Variants in CDK6 observed in about 807,000 individuals in gnomAD.
The protein encoded by CDK6 is cyclin dependent kinase 6.
A neutral mutation model predicts 37.1 loss-of-function variants in CDK6; 6 were observed. That is an observed-to-expected ratio of 0.16 (90% CI 0.09 to 0.32). CDK6 has a LOEUF of 0.32. Ranked by LOEUF, CDK6 falls within the 10% of genes least tolerant of loss-of-function variation. The pLI, the probability that CDK6 is intolerant of heterozygous loss-of-function variation, is 1.00. For missense variants in CDK6, 224 were observed against 418.9 expected (o/e 0.53, Z 4.06); for synonymous variants, 160 against 161.3 (o/e 0.99, Z 0.06).
intron 5 of CDK6, among the ~76,000 whole-genome samples, chr7:92,643,419 T>G (rs1471512172): frequency 2.0e-5 from 3 of 152,228 alleles, no homozygotes; most frequent in African/African-American, 2.4e-5. Flanking sequence ...CTATGCTGAG[T>G]GTAGGGAACA....
At chr7:92,767,023 GC>G (rs1799598494) in intron 3 of CDK6, among the ~76,000 whole-genome samples, 1 of 151,834 alleles carries the variant, frequency 6.6e-6, no homozygotes, top group Non-Finnish European at 1.5e-5. Flanking sequence ...GCATAGCTCT[GC>G]CCCAGCTTCC....
In CDK6 at chr7:92,646,403, C is replaced by CT. The variant is rs112119366; in HGVS notation, c.648-23318dup. 7.5e-3 allele frequency among the ~76,000 whole-genome samples: 1,082 copies of CT among 144,228 alleles called. 11 individuals carry two copies. The highest frequency in any genetic ancestry group is 0.019 in the African/African-American group (742 of 39,442). 94.6% of individuals were successfully genotyped at this position (144,228 alleles called of 152,430 possible). ...GGTTTTCTTTTTTCTTTTTCTTTTT[C>CT]TTTTTTTTTTTTGAGATGGAGTCTT... is the stretch of plus-strand genomic sequence containing the variant. On this transcript the variant is annotated intron_variant, in intron 5 of 7. Transcript: ENST00000424848.
intron 5 of CDK6, 93 bp downstream of exon 5, chr7:92,671,333 C>CT (rs1268030334): frequency 9.0e-6 from 7 of 778,976 alleles, no homozygotes; most frequent in Non-Finnish European, 1.4e-5. Flanking sequence ...ATCATGACCC[C>CT]TAATGATAGA....
chr7:92,799,622 C>A (rs1404729239), intron 2 of CDK6, among the ~76,000 whole-genome samples: 1 of 152,062 alleles, frequency 6.6e-6, no homozygotes, highest in Non-Finnish European at 1.5e-5. Flanking sequence ...CAATTTTGAA[C>A]CGCCTGTGCT....
chr7:92,726,952 A>G lies in CDK6; in HGVS notation c.370-1159T>C, dbSNP rs149721445. 3.9e-5 allele frequency among the ~76,000 whole-genome samples: 6 copies of G among 152,218 alleles called. No homozygotes were observed. In the South Asian group the frequency reaches 1.0e-3, roughly 26 times the overall value. The stretch of plus-strand genomic sequence containing the variant: ...TAGCACCATAGTTAATATTCAGTAA[A>G]TGGCAGCGCTTATTACTGTTATTAT... On this transcript the variant is annotated intron_variant, in intron 3 of 7. Transcript: ENST00000424848.
At position 92,613,936 on chromosome 7, in the gene CDK6, A is replaced by C. The variant is rs1022659025; in HGVS notation, c.*1204T>G. 5 of 233,174 alleles carry C rather than the reference A, an allele frequency of 2.1e-5. No homozygotes were observed. Among genetic ancestry groups the C allele is most frequent in the Non-Finnish European group, 4.2e-5 (5 of 118,054 alleles). The allele number at this position is 233,174 out of a possible 1,614,324, so 14.4% of individuals were successfully genotyped here. ...TATGAAAGGTTCATTGAAAGCAAGC[A>C]AACAGGTGGTGCATGGGAACAGCTT... On this transcript the variant is annotated 3_prime_UTR_variant, in exon 8 of 8. Transcript: ENST00000424848.
At chr7:92,705,472 CA>C (rs1479251008) in intron 4 of CDK6, among the ~76,000 whole-genome samples, 4 of 152,016 alleles carry the variant, frequency 2.6e-5, no homozygotes, top group Non-Finnish European at 5.9e-5. Context: ...GAGCTTTGAG[CA>C]GCATTAAAAA....
At chr7:92,661,859 G>A (rs767399999) in intron 5 of CDK6, among the ~76,000 whole-genome samples, 3 of 152,196 alleles carry the variant, frequency 2.0e-5, no homozygotes, top group African/African-American at 4.8e-5. Flanking sequence ...TGTACAGAGC[G>A]TGGCTCACAG....
At chr7:92,636,072 T>C (rs189838534) in intron 5 of CDK6, among the ~76,000 whole-genome samples, 1 of 152,296 alleles carries the variant, frequency 6.6e-6, no homozygotes, top group Admixed American at 6.5e-5. Flanking sequence ...ATTATTATTT[T>C]TTGAGACAAG....
At position 92,607,346 on chromosome 7, in the gene CDK6, T is replaced by C. The variant is rs888346240; in HGVS notation, c.*7794A>G. 2.1e-5 allele frequency: 5 copies of C among 233,370 alleles called. No homozygotes were observed. The highest frequency in any genetic ancestry group is 3.4e-5 in the Non-Finnish European group (4 of 118,042). The allele number at this position is 233,370 out of a possible 1,614,324, so 14.5% of individuals were successfully genotyped here. On this transcript the variant is annotated 3_prime_UTR_variant, in exon 8 of 8. Coordinates refer to ENST00000424848, the MANE Select transcript of CDK6 (RefSeq NM_001145306.2). The stretch of plus-strand genomic sequence containing the variant: ...GGCACAGTTTCTAAATTAAGGCATA[T>C]CTAAAATGCTTTTCTACCTTTAGTT...
chr7:92,791,176 G>A (rs919973339), intron 2 of CDK6, among the ~76,000 whole-genome samples: 26 of 152,044 alleles, frequency 1.7e-4, no homozygotes, highest in Non-Finnish European at 3.5e-4. Context: ...TAAATGTGGC[G>A]GGGGTGGAGG....
chr7:92,833,315 C>T lies in CDK6; in HGVS notation c.9G>A (p.Lys3=). The change falls in exon 2 of 8, where the codon AAG becomes AAA. Residue 3 remains lysine, a synonymous_variant. Coordinates refer to ENST00000424848, the MANE Select transcript of CDK6 (RefSeq NM_001145306.2). This position sits in a 1 kb window ranked among gnomAD's most constrained non-coding sequence, Gnocchi z 6.1. ME[K]DGLCRADQQY... ...GCTGGTCAGCGCGGCACAGGCCGTC[C>T]TTCTCCATGCCGCCTGGACGCCGCC... 1 of 1,588,336 alleles carries T rather than the reference C, an allele frequency of 6.3e-7. No individual in the cohort carries two copies. Among genetic ancestry groups the T allele is most frequent in the Non-Finnish European group, 8.5e-7 (1 of 1,170,284 alleles).
At chr7:92,630,812 T>C (rs992906785) in intron 5 of CDK6, among the ~76,000 whole-genome samples, 1 of 152,210 alleles carries the variant, frequency 6.6e-6, no homozygotes, top group Non-Finnish European at 1.5e-5. Flanking sequence ...AAAACTTTAA[T>C]GACAACATGC....
intron 2 of CDK6, among the ~76,000 whole-genome samples, chr7:92,812,145 A>G (rs910686622): frequency 1.3e-5 from 2 of 152,152 alleles, no homozygotes; most frequent in African/African-American, 2.4e-5. Flanking sequence ...ACTCAAAAAA[A>G]CAAAACAAAA....
intron 4 of CDK6, among the ~76,000 whole-genome samples, chr7:92,679,133 T>A (rs1022483292): frequency 1.3e-5 from 2 of 152,198 alleles, no homozygotes; most frequent in Admixed American, 1.3e-4. Flanking sequence ...CTTGAACTAC[T>A]TGAGTTTGAG....
At position 92,711,487 on chromosome 7, in the gene CDK6, T is replaced by C. The variant is rs951272358; in HGVS notation, c.537+14139A>G. On this transcript the variant is annotated intron_variant, in intron 4 of 7. Coordinates refer to ENST00000424848, the MANE Select transcript of CDK6 (RefSeq NM_001145306.2). The stretch of plus-strand genomic sequence containing the variant: ...TAACAAACTGTTAATAGTGGCTTTT[T>C]TTCTGGAAGGAAGGATCATTGAGGA... Among the ~76,000 whole-genome samples, 8 of 152,050 alleles carry C rather than the reference T, an allele frequency of 5.3e-5. No individual in the cohort carries two copies. In the East Asian group the frequency reaches 1.2e-3, roughly 22 times the overall value.
intron 4 of CDK6, among the ~76,000 whole-genome samples, chr7:92,706,932 C>T (rs1265152262): frequency 6.6e-6 from 1 of 152,084 alleles, no homozygotes; most frequent in East Asian, 1.9e-4. Flanking sequence ...GTTTAAATAA[C>T]TGATAATGGA....
intron 3 of CDK6, among the ~76,000 whole-genome samples, chr7:92,773,739 G>A (rs3802072): frequency 0.16 from 24,826 of 152,110 alleles, 2,620 homozygotes; most frequent in South Asian, 0.29. Flanking sequence ...AAATCATTCA[G>A]TATGTCAAAT....
intron 2 of CDK6, 102 bp downstream of exon 2, chr7:92,832,989 G>T: frequency 2.5e-6 from 2 of 790,816 alleles, no homozygotes; most frequent in Non-Finnish European, 2.0e-6. Flanking sequence ...GACCTCCCCA[G>T]TCGCCCTCTG....
Sources: gnomAD v4.1 joint callset for allele counts (sites outside exome capture counted in the v4.1 genomes callset) on GRCh38, gnomAD v4.1.1 for gene constraint, Gnocchi (gnomAD v3.1) non-coding constraint, MANE v1.5 for transcripts, NCBI Gene and HGNC (gene_info 2026-07-23, HGNC 2026-07-21) for gene names.